PCDHGB1: variants seen among roughly 807,000 people sequenced by gnomAD.
PCDHGB1 encodes the protein protocadherin gamma-B1.
In PCDHGB1, 34 loss-of-function variants were observed where a neutral mutation model predicts 56.6. That is an observed-to-expected ratio of 0.60 (90% CI 0.46 to 0.80). The LOEUF is 0.80. Among genes scored for constraint, PCDHGB1 ranks in the 30% least tolerant of loss-of-function variants. The pLI is 0.00. For synonymous variants in PCDHGB1, 561 were observed against 505.9 expected (o/e 1.11, Z -1.46); for missense variants, 1,278 against 1,204.6 (o/e 1.06, Z -0.90).
intron 1 of PCDHGB1, among the ~76,000 whole-genome samples, chr5:141,468,963 C>G (rs951670777): frequency 1.3e-5 from 2 of 150,940 alleles, no homozygotes; most frequent in Admixed American, 6.6e-5. Context: ...TTTTTTTTAC[C>G]TTAGGCTTTT....
intron 1 of PCDHGB1, chr5:141,356,464 G>A: frequency 6.2e-7 from 1 of 1,613,704 alleles, no homozygotes; most frequent in Non-Finnish European, 8.5e-7. Context: ...TAACATCACT[G>A]TAACTGCCAC....
chr5:141,410,115 C>T, intron 1 of PCDHGB1: 1 of 1,612,624 alleles, frequency 6.2e-7, no homozygotes. Context: ...AGGGACGCAG[C>T]CCGCCAGCGC....
At chr5:141,374,686 C>T (rs765389244) in intron 1 of PCDHGB1, 5 of 1,609,642 alleles carry the variant, frequency 3.1e-6, no homozygotes, top group Non-Finnish European at 4.2e-6. Flanking sequence ...GCACACTGGA[C>T]CGGGAAGGAG....
intron 1 of PCDHGB1, among the ~76,000 whole-genome samples, chr5:141,401,210 C>T (rs1038078572): frequency 3.9e-5 from 6 of 151,956 alleles, no homozygotes; most frequent in Non-Finnish European, 5.9e-5. Flanking sequence ...GGTGTGGTGG[C>T]GGGCGCCTGT....
At chr5:141,394,789 C>A (rs747304715) in intron 1 of PCDHGB1, 1 of 1,613,728 alleles carries the variant, frequency 6.2e-7, no homozygotes, top group South Asian at 1.1e-5. Context: ...GCCACTGTCA[C>A]GCTCACCGTA....
At chr5:141,442,089 C>A in intron 1 of PCDHGB1, 1 of 170,684 alleles carries the variant, frequency 5.9e-6, no homozygotes, top group South Asian at 1.1e-4. Context: ...CTCGCTACCG[C>A]CACGTCACCA....
Position 141,510,999 on chromosome 5 carries a change from G to C in PCDHGB1, c.2610G>C (p.Leu870Phe). Residue 870 changes from leucine (L) to phenylalanine (F), a missense_variant, in exon 4 of 4, where the codon TTG (leucine) becomes TTC (phenylalanine). Coordinates refer to ENST00000523390, the MANE Select transcript of PCDHGB1 (RefSeq NM_018922.3). ...GAGGGGGTGCCGGCACCATGGGATT[G>C]AGCGCCCGCTACGGACCCCAGTTCA... ...TLGGGAGTMG[L>F]SARYGPQFTL... 6.2e-7 allele frequency: 1 copy of C among 1,614,144 alleles called. No homozygotes were observed. Among genetic ancestry groups the C allele is most frequent in the Non-Finnish European group, 8.5e-7 (1 of 1,180,008 alleles).
At chr5:141,368,644 G>C (rs948987019) in intron 1 of PCDHGB1, among the ~76,000 whole-genome samples, 1 of 152,090 alleles carries the variant, frequency 6.6e-6, no homozygotes, top group African/African-American at 2.4e-5. Context: ...AATGTTTTGT[G>C]CAATGGAAAA....
intron 1 of PCDHGB1, chr5:141,365,075 G>A (rs754573655): frequency 6.2e-7 from 1 of 1,613,842 alleles, no homozygotes. Context: ...CGAGTACAGC[G>A]TGAGTGTTCC....
rs1199102847 is a variant in PCDHGB1, at chr5:141,477,997, A to G, written c.2410-16810A>G. 2 of 1,614,112 alleles carry G rather than the reference A, an allele frequency of 1.2e-6. No individual in the cohort carries two copies. Among genetic ancestry groups the G allele is most frequent in the Non-Finnish European group, 1.7e-6 (2 of 1,180,016 alleles). On this transcript the variant is annotated intron_variant, in intron 1 of 3. Coordinates refer to ENST00000523390, the MANE Select transcript of PCDHGB1 (RefSeq NM_018922.3). This position sits in a 1 kb window ranked among gnomAD's most constrained non-coding sequence, Gnocchi z 4.9. ...TTGCCATAGGGCTGCACACTGGTCAAATCAGTACTGCCCGTCCAGTCCAAG... is the reference window on the plus strand; with the variant it reads ...TTGCCATAGGGCTGCACACTGGTCAGATCAGTACTGCCCGTCCAGTCCAAG...
At chr5:141,388,616 A>C in intron 1 of PCDHGB1, 1 of 1,613,938 alleles carries the variant, frequency 6.2e-7, no homozygotes, top group Non-Finnish European at 8.5e-7. Flanking sequence ...TGTTCAGTCA[A>C]GACGTATACA....
intron 1 of PCDHGB1, chr5:141,356,656 C>T (rs1197287768): frequency 1.9e-6 from 3 of 1,613,882 alleles, no homozygotes; most frequent in East Asian, 4.5e-5. Flanking sequence ...TGACAATGCC[C>T]GAATCACTTA....
At position 141,351,718 on chromosome 5, in the gene PCDHGB1, T is replaced by C. The variant is rs748339463; in HGVS notation, c.1458T>C (p.Ser486=). ...DLGPNGRVSY[S]ILASDLEPRE... is the part of the protein sequence containing the mutation. ...GACCCAACGGCAGAGTCTCCTACTC[T>C]ATTCTGGCCAGTGACCTGGAGCCGC... Residue 486 remains serine, a synonymous_variant, in exon 1 of 4, where the codon TCT becomes TCC. Coordinates refer to ENST00000523390, the MANE Select transcript of PCDHGB1 (RefSeq NM_018922.3). 1 of 1,613,828 alleles carries C rather than the reference T, an allele frequency of 6.2e-7. No homozygotes were observed. The highest frequency in any genetic ancestry group is 2.2e-5 in the East Asian group (1 of 44,878).
At chr5:141,356,596 C>T (rs1274610162) in intron 1 of PCDHGB1, 1 of 1,614,026 alleles carries the variant, frequency 6.2e-7, no homozygotes, top group Non-Finnish European at 8.5e-7. Flanking sequence ...TGAAAACAAC[C>T]CCAGAGGAGC....
intron 1 of PCDHGB1, chr5:141,390,004 T>C (rs749173529): frequency 1.9e-6 from 3 of 1,614,044 alleles, no homozygotes; most frequent in Admixed American, 1.7e-5. Flanking sequence ...GCCATGATTC[T>C]GGCCATTGCC....
At chr5:141,458,662 C>T (rs948275548) in intron 1 of PCDHGB1, among the ~76,000 whole-genome samples, 3 of 152,064 alleles carry the variant, frequency 2.0e-5, no homozygotes, top group East Asian at 1.9e-4. Flanking sequence ...CTCCACCTCT[C>T]GGGTTCAAGC....
At chr5:141,430,642 A>C in intron 1 of PCDHGB1, 2 of 918,498 alleles carry the variant, frequency 2.2e-6, no homozygotes, top group South Asian at 5.1e-5. Flanking sequence ...CCCTGGGAGT[A>C]TGTGGAAACA....
Position 141,361,628 on chromosome 5 carries a change from C to A in PCDHGB1, c.2409+8959C>A, listed in dbSNP as rs751712279. On this transcript the variant is annotated intron_variant, in intron 1 of 3. Coordinates refer to ENST00000523390, the MANE Select transcript of PCDHGB1 (RefSeq NM_018922.3). Reference sequence around the variant, plus strand: ...TCCATCGTAGCGAGCGACCTGAAGCCGCGGGAGATTTTATCCTACGTGTCC... The same window carrying A: ...TCCATCGTAGCGAGCGACCTGAAGCAGCGGGAGATTTTATCCTACGTGTCC... 3.1e-6 allele frequency: 5 copies of A among 1,613,906 alleles called. No individual in the cohort carries two copies. In the South Asian group the frequency reaches 4.4e-5, roughly 14 times the overall value.
At chr5:141,393,559 T>A (rs1349401032) in intron 1 of PCDHGB1, 1 of 1,613,814 alleles carries the variant, frequency 6.2e-7, no homozygotes, top group Non-Finnish European at 8.5e-7. Context: ...ATTTACCGAG[T>A]GAAAGTCCTT....
Sources: gnomAD v4.1 joint callset for allele counts (sites outside exome capture counted in the v4.1 genomes callset) on GRCh38, gnomAD v4.1.1 for gene constraint, Gnocchi (gnomAD v3.1) non-coding constraint, MANE v1.5 for transcripts, NCBI Gene and HGNC (gene_info 2026-07-23, HGNC 2026-07-21) for gene names.